PRDM16: variants seen among roughly 807,000 people sequenced by gnomAD.
The protein encoded by PRDM16 is histone-lysine N-methyltransferase PRDM16.
A neutral mutation model predicts 110.6 loss-of-function variants in PRDM16; 23 were observed. The ratio of observed to expected loss-of-function variants is 0.21; its 90% CI spans 0.15 to 0.29. The LOEUF (loss-of-function observed/expected upper bound fraction) is 0.29. Among genes scored for constraint, PRDM16 ranks in the 10% least tolerant of loss-of-function variants. The pLI, the probability that PRDM16 is intolerant of heterozygous loss-of-function variation, is 1.00. For synonymous variants in PRDM16, 799 were observed against 781.8 expected (o/e 1.02, Z -0.37); for missense variants, 1,615 against 1,794.3 (o/e 0.90, Z 1.81).
chr1:3,338,024 CAT>C (rs777149167), intron 3 of PRDM16, among the ~76,000 whole-genome samples: 21 of 152,240 alleles, frequency 1.4e-4, no homozygotes, highest in East Asian at 3.8e-4. Flanking sequence ...CACACAGACA[CAT>C]GTGCACACAT....
At chr1:3,093,023 C>G (rs1462987348) in intron 1 of PRDM16, among the ~76,000 whole-genome samples, 1 of 152,200 alleles carries the variant, frequency 6.6e-6, no homozygotes, top group Non-Finnish European at 1.5e-5. Context: ...CTGTCCAACT[C>G]CTGTAAAGCC....
chr1:3,365,472 T>C (rs902812634), intron 3 of PRDM16, among the ~76,000 whole-genome samples: 2 of 152,218 alleles, frequency 1.3e-5, no homozygotes, highest in African/African-American at 2.4e-5. Context: ...TTCCTCCTTA[T>C]ATTGGGCAGG....
At chr1:3,270,261 G>GTC (rs1640410441) in intron 3 of PRDM16, among the ~76,000 whole-genome samples, 1 of 149,260 alleles carries the variant, frequency 6.7e-6, no homozygotes, top group Non-Finnish European at 1.5e-5. Flanking sequence ...GAGAAGGACA[G>GTC]GAGGAGCACA....
intron 2 of PRDM16, among the ~76,000 whole-genome samples, chr1:3,214,298 A>G (rs768740942): frequency 2.6e-5 from 4 of 152,146 alleles, no homozygotes; most frequent in African/African-American, 4.8e-5. Context: ...CTATGCAAAA[A>G]TAATGCCTTT....
chr1:3,397,610 G>T (rs529556341), intron 5 of PRDM16, among the ~76,000 whole-genome samples: 9 of 152,218 alleles, frequency 5.9e-5, no homozygotes, highest in Non-Finnish European at 1.2e-4. Context: ...GGGAGGCCCC[G>T]CAAGTGAACA....
At chr1:3,150,442 C>T (rs1321452262) in intron 1 of PRDM16, among the ~76,000 whole-genome samples, 5 of 151,894 alleles carry the variant, frequency 3.3e-5, no homozygotes, top group Admixed American at 6.6e-5. Flanking sequence ...GCCTGTAGTC[C>T]CAGCTAATTG....
In PRDM16 at chr1:3,071,418, A is replaced by C. The variant is rs566680539; in HGVS notation, c.37+2122A>C. Among the ~76,000 whole-genome samples the C allele has an allele frequency of 1.2e-3, 182 of 152,126 alleles. 1 individual carries two copies. The highest frequency in any genetic ancestry group is 6.2e-3 in the South Asian group (30 of 4,814). On this transcript the variant is annotated intron_variant, in intron 1 of 16. Coordinates refer to ENST00000270722, the MANE Select transcript of PRDM16 (RefSeq NM_022114.4). Reference sequence around the variant, plus strand: ...TTCCCGAGAGTCTTTAGTGAGGAAAAACCCCATGAGAGGTGACTGCCAGGC... The same window carrying C: ...TTCCCGAGAGTCTTTAGTGAGGAAACACCCCATGAGAGGTGACTGCCAGGC...
At chr1:3,183,796 C>A (rs748593474) in intron 1 of PRDM16, among the ~76,000 whole-genome samples, 2 of 152,228 alleles carry the variant, frequency 1.3e-5, no homozygotes, top group South Asian at 4.1e-4. Flanking sequence ...GCACTTGATG[C>A]GGACGCTGCC....
chr1:3,324,426 C>A (rs552423877), intron 3 of PRDM16, among the ~76,000 whole-genome samples: 2 of 152,226 alleles, frequency 1.3e-5, no homozygotes, highest in Non-Finnish European at 2.9e-5. Context: ...ACACTCCCCG[C>A]GATGCTCCTG....
At position 3,186,480 on chromosome 1, in the gene PRDM16, C is replaced by A. The variant is rs369010644; in HGVS notation, c.387+6C>A. 5 of 1,480,430 alleles carry A rather than the reference C, an allele frequency of 3.4e-6. No homozygotes were observed. The highest frequency in any genetic ancestry group is 2.3e-5 in the East Asian group (1 of 43,646). 91.7% of individuals were successfully genotyped at this position (1,480,430 alleles called of 1,614,324 possible). On this transcript the variant is annotated splice_donor_region_variant and intron_variant, in intron 2 of 16. Transcript: ENST00000270722. ...AGACAGACTTCGGATGGGAGGTGAG[C>A]GATCGCGCCTGAGTATGATTGATCA...
intron 3 of PRDM16, among the ~76,000 whole-genome samples, chr1:3,279,926 G>A (rs1285753870): frequency 2.7e-5 from 4 of 146,006 alleles, no homozygotes; most frequent in Non-Finnish European, 4.5e-5. Context: ...TCCCCATGAC[G>A]TCAGCCGAGA....
intron 1 of PRDM16, among the ~76,000 whole-genome samples, chr1:3,108,854 TA>T (rs377303124): frequency 2.2e-4 from 33 of 151,970 alleles, no homozygotes; most frequent in African/African-American, 7.2e-4. Context: ...GGCAAATTTT[TA>T]AAATAATGTG....
intron 3 of PRDM16, among the ~76,000 whole-genome samples, chr1:3,356,047 T>C (rs1034899802): frequency 2.0e-5 from 3 of 152,216 alleles, no homozygotes; most frequent in African/African-American, 7.2e-5. Context: ...TGATGGACTT[T>C]GAACCCAGTG....
At chr1:3,188,394 G>C (rs960711313) in intron 2 of PRDM16, among the ~76,000 whole-genome samples, 1 of 152,146 alleles carries the variant, frequency 6.6e-6, no homozygotes, top group Non-Finnish European at 1.5e-5. Context: ...GAAATGGCCC[G>C]TATCACCATG....
intron 3 of PRDM16, among the ~76,000 whole-genome samples, chr1:3,352,978 C>T (rs1324023990): frequency 1.3e-5 from 2 of 152,198 alleles, no homozygotes; most frequent in African/African-American, 2.4e-5. Context: ...GGGGCCCATG[C>T]GTGGCCGGAG....
intron 3 of PRDM16, among the ~76,000 whole-genome samples, chr1:3,355,087 G>A (rs1268927328): frequency 2.0e-5 from 3 of 152,084 alleles, no homozygotes; most frequent in Admixed American, 6.5e-5. Flanking sequence ...CTCCCGCACC[G>A]ATACCAGGCC....
chr1:3,238,355 AT>A (rs1452396045), intron 2 of PRDM16, among the ~76,000 whole-genome samples: 1 of 151,952 alleles, frequency 6.6e-6, no homozygotes, highest in Non-Finnish European at 1.5e-5. Context: ...CTGTGTAAAT[AT>A]TTTTCTTAGG....
At chr1:3,088,873 C>G (rs1032405513) in intron 1 of PRDM16, among the ~76,000 whole-genome samples, 1 of 152,024 alleles carries the variant, frequency 6.6e-6, no homozygotes, top group South Asian at 2.1e-4. Context: ...ACCTCTGCCT[C>G]CCGGGTTCAA....
At chr1:3,101,991 T>G (rs921098567) in intron 1 of PRDM16, among the ~76,000 whole-genome samples, 1 of 152,146 alleles carries the variant, frequency 6.6e-6, no homozygotes, top group Non-Finnish European at 1.5e-5. Context: ...CGGGTGGTTT[T>G]TCAACATTCT....
Sources: allele counts gnomAD v4.1 joint callset (sites outside exome capture counted in the v4.1 genomes callset), GRCh38; gene constraint gnomAD v4.1.1; transcripts MANE v1.5; gene names NCBI Gene and HGNC (gene_info 2026-07-23, HGNC 2026-07-21).